Variants in CSPG5 observed in about 807,000 individuals in gnomAD.
CSPG5 encodes the protein chondroitin sulfate proteoglycan 5.
A neutral mutation model predicts 39.8 loss-of-function variants in CSPG5; 25 were observed. The observed-to-expected ratio is 0.63, with a 90% CI of 0.46 to 0.88. The LOEUF (loss-of-function observed/expected upper bound fraction) is 0.88. Among genes scored for constraint, CSPG5 ranks in the 40% least tolerant of loss-of-function variants. The pLI is 0.00. For synonymous variants in CSPG5, 295 were observed against 303.9 expected, an observed-to-expected ratio of 0.97 and a Z score of 0.31; for missense variants, 627 against 702.2, an observed-to-expected ratio of 0.89 and a Z score of 1.21.
chr3:47,579,156 A>T (rs1244012423), upstream of CSPG5: 1 of 152,160 alleles, frequency 6.6e-6, no homozygotes, highest in East Asian at 1.9e-4. This position sits in a 1 kb window ranked among gnomAD's most constrained non-coding sequence, Gnocchi z 4.2. Flanking sequence ...AACAGGCGGC[A>T]CGGGGCCCCG....
chr3:47,562,437 T>TA lies in CSPG5; in HGVS notation c.*162_*163insT, dbSNP rs2031115957. The TA allele has an allele frequency of 1.8e-6, 1 of 567,840 alleles. No individual in the cohort carries two copies. Among genetic ancestry groups the TA allele is most frequent in the African/African-American group, 4.3e-5 (1 of 23,260 alleles). The allele number at this position is 567,840 out of a possible 1,614,324, so 35.2% of individuals were successfully genotyped here. A position where few individuals can be genotyped will look rare whatever the true frequency, so the allele number is the denominator to read the frequency against. ...TCAGTTTCTTTGCTTATTTTAAGTA[T>TA]TTTTTTGCCTCCTGTACAAAATACA... On this transcript the variant is annotated 3_prime_UTR_variant, in exon 5 of 5. Transcript: ENST00000264723.
rs749970270 is a variant in CSPG5, at chr3:47,572,922, G to A, written c.1194-48C>T. 1.7e-5 allele frequency: 27 copies of A among 1,560,904 alleles called. No homozygotes were observed. The South Asian group carries it at 2.2e-4, about 13-fold the overall frequency. On this transcript the variant is annotated intron_variant, in intron 2 of 4. Transcript: ENST00000264723. This position sits in a 1 kb window ranked among gnomAD's most constrained non-coding sequence, Gnocchi z 4.5. The stretch of plus-strand genomic sequence containing the variant: ...CCGTGGCGATGGAGCAGGCAGCCAC[G>A]GCCACAGTAAGGGCCTGGGCCCTGA...
chr3:47,577,810 C>T lies in CSPG5; in HGVS notation c.216G>A (p.Glu72=). ...EAGPPAAGED[E]ASWTAPGGEL... ...CGCCACCGGGCGCCGTCCACGACGC[C>T]TCATCTTCCCCAGCCGCTGGTGGGC... Residue 72 remains glutamate (E), a synonymous_variant, in exon 2 of 5, where the codon GAG becomes GAA. Coordinates refer to ENST00000264723, the MANE Select transcript of CSPG5 (RefSeq NM_006574.4). This position sits in a 1 kb window ranked among gnomAD's most constrained non-coding sequence, Gnocchi z 4.7. 6.3e-7 allele frequency: 1 copy of T among 1,578,274 alleles called. No homozygotes were observed. Among genetic ancestry groups the T allele is most frequent in the Non-Finnish European group, 8.5e-7 (1 of 1,171,336 alleles).
At chr3:47,573,673 G>A (rs368137559) in intron 2 of CSPG5, among the ~76,000 whole-genome samples, 2 of 152,310 alleles carry the variant, frequency 1.3e-5, no homozygotes, top group South Asian at 2.1e-4. Context: ...ACAGAGGCAG[G>A]CAAAGGAGGG....
chr3:47,568,928 T>C (rs77488802), intron 4 of CSPG5: 93,914 of 582,202 alleles, frequency 0.16, 9,049 homozygotes, highest in Middle Eastern at 0.23. Flanking sequence ...ATCAAGTGCT[T>C]ATTCCCACCT....
intron 2 of CSPG5, among the ~76,000 whole-genome samples, chr3:47,576,578 C>T (rs1171618980): frequency 6.6e-6 from 1 of 151,980 alleles, no homozygotes; most frequent in African/African-American, 2.4e-5. Context: ...CCTTCCTCAG[C>T]CTCCTGAGTA....
chr3:47,562,790 G>A (rs765046308), intron 4 of CSPG5, 29 bp from the exon 5 acceptor site: 2 of 1,518,654 alleles, frequency 1.3e-6, no homozygotes, highest in Non-Finnish European at 1.8e-6. Context: ...TGGGGGGGGG[G>A]AGACAATGCA....
At chr3:47,568,569 C>T (rs779128776) in intron 4 of CSPG5, among the ~76,000 whole-genome samples, 2 of 152,176 alleles carry the variant, frequency 1.3e-5, no homozygotes, top group Non-Finnish European at 2.9e-5. Flanking sequence ...GAAGTCTTTC[C>T]ACCCATCCCA....
At position 47,572,575 on chromosome 3, in the gene CSPG5, G is replaced by T; in HGVS notation, c.1382+111C>A. On this transcript the variant is annotated intron_variant, in intron 3 of 4. Transcript: ENST00000264723. The surrounding 1 kb of genome is among the most constrained non-coding windows in gnomAD (Gnocchi z 4.5). ...ACAAAACAGCTGGGAATGGAGCACA[G>T]GTGCCAGAAACCCTCACGACAAAGT... 3.4e-6 allele frequency: 3 copies of T among 894,110 alleles called. No homozygotes were observed. The highest frequency in any genetic ancestry group is 5.4e-6 in the Non-Finnish European group (3 of 560,004). The allele number at this position is 894,110 out of a possible 1,614,324, so 55.4% of individuals were successfully genotyped here.
In CSPG5 at chr3:47,576,985, G is replaced by C. The variant is rs1268669619; in HGVS notation, c.1041C>G (p.Gly347=). 1.2e-6 allele frequency: 2 copies of C among 1,613,738 alleles called. No homozygotes were observed. The highest frequency in any genetic ancestry group is 1.7e-6 in the Non-Finnish European group (2 of 1,179,840). ...CATTTTCACTGGAGGCCAAGTCCCT[G>C]CCTGGCTCTCCTGGGCGGGGCCTGA... The part of the protein sequence containing the change: ...IALRPRPGEP[G]RDLASSENGT... The change falls in exon 2 of 5, where the codon GGC becomes GGG. Residue 347 remains glycine, a synonymous_variant. Transcript: ENST00000264723.
At chr3:47,569,343 C>T (rs1313199036) in intron 3 of CSPG5, 116 bp from the exon 4 acceptor site, 4 of 1,040,416 alleles carry the variant, frequency 3.8e-6, no homozygotes, top group East Asian at 5.3e-5. Flanking sequence ...GTGGCTCGCG[C>T]CTGTAATCCT....
intron 2 of CSPG5, among the ~76,000 whole-genome samples, chr3:47,576,039 G>A (rs1353629679): frequency 1.4e-5 from 2 of 145,336 alleles, no homozygotes; most frequent in Admixed American, 7.2e-5. Context: ...CTGGGTTCAA[G>A]CAATTCTGCC....
At position 47,576,770 on chromosome 3, in the gene CSPG5, C is replaced by T. The variant is rs1057233291; in HGVS notation, c.1193+63G>A. The T allele has an allele frequency of 2.6e-5, 39 of 1,504,510 alleles. 1 individual carries two copies. In the South Asian group the frequency reaches 5.3e-4, roughly 20 times the overall value. 93.2% of individuals were successfully genotyped at this position (1,504,510 alleles called of 1,614,324 possible). A position where few individuals can be genotyped will look rare whatever the true frequency, so the allele number is the denominator to read the frequency against. On this transcript the variant is annotated intron_variant, in intron 2 of 4. Coordinates refer to ENST00000264723, the MANE Select transcript of CSPG5 (RefSeq NM_006574.4). ...CCAACGCGCCCGGCTACGCTGCCCTCTGTTGAGTCGGCCTCACATACACTC... is the reference window on the plus strand; with the variant it reads ...CCAACGCGCCCGGCTACGCTGCCCTTTGTTGAGTCGGCCTCACATACACTC...
chr3:47,571,563 C>T (rs2031529888), intron 3 of CSPG5, among the ~76,000 whole-genome samples: 2 of 151,962 alleles, frequency 1.3e-5, no homozygotes, highest in South Asian at 4.2e-4. Flanking sequence ...CCTCAGTGCA[C>T]AGGCACAATG....
At position 47,562,477 on chromosome 3, in the gene CSPG5, G is replaced by T; in HGVS notation, c.*123C>A. On this transcript the variant is annotated 3_prime_UTR_variant, in exon 5 of 5. Transcript: ENST00000264723. ...TACAAAATACATAAAAGCATGCCATGAGATCAGAAAAAGAAAAGAGTTTAA... is the reference window on the plus strand; with the variant it reads ...TACAAAATACATAAAAGCATGCCATTAGATCAGAAAAAGAAAAGAGTTTAA... 2 of 979,936 alleles carry T rather than the reference G, an allele frequency of 2.0e-6. No homozygotes were observed. Among genetic ancestry groups the T allele is most frequent in the Non-Finnish European group, 3.0e-6 (2 of 667,514 alleles). The allele number at this position is 979,936 out of a possible 1,614,324, so 60.7% of individuals were successfully genotyped here.
At chr3:47,566,468 C>T (rs2031305869) in intron 4 of CSPG5, among the ~76,000 whole-genome samples, 1 of 152,124 alleles carries the variant, frequency 6.6e-6, no homozygotes, top group Non-Finnish European at 1.5e-5. Context: ...CGGCAATGCC[C>T]ACAAGATCTT....
At chr3:47,566,279 GA>G (rs1422017615) in intron 4 of CSPG5, among the ~76,000 whole-genome samples, 3 of 151,890 alleles carry the variant, frequency 2.0e-5, no homozygotes, top group African/African-American at 7.3e-5. Flanking sequence ...GGTGGGGAGA[GA>G]GGGGTGGGGA....
In CSPG5 at chr3:47,572,790, C is replaced by T; in HGVS notation, c.1278G>A (p.Val426=). 6.2e-7 allele frequency: 1 copy of T among 1,614,172 alleles called. No individual in the cohort carries two copies. Among genetic ancestry groups the T allele is most frequent in the Non-Finnish European group, 8.5e-7 (1 of 1,180,016 alleles). ...ITDFQVMCVA[V]GSAALVLLLL... ...GGAGCAGGACGAGGGCAGCCGAGCC[C>T]ACGGCCACGCACATCACCTGGAAGT... Residue 426 remains valine, a synonymous_variant, in exon 3 of 5, where the codon GTG becomes GTA. Transcript: ENST00000264723. This position sits in a 1 kb window ranked among gnomAD's most constrained non-coding sequence, Gnocchi z 4.5.
At chr3:47,567,737 C>G (rs2031366924) in intron 4 of CSPG5, among the ~76,000 whole-genome samples, 2 of 152,256 alleles carry the variant, frequency 1.3e-5, no homozygotes, top group South Asian at 4.1e-4. Context: ...GAAGGCCAGG[C>G]ATGGTAGCTC....
Sources: allele counts gnomAD v4.1 joint callset (sites outside exome capture counted in the v4.1 genomes callset), GRCh38; gene constraint gnomAD v4.1.1; non-coding constraint Gnocchi (gnomAD v3.1); transcripts MANE v1.5; gene names NCBI Gene and HGNC (gene_info 2026-07-23, HGNC 2026-07-21).